GSDME: variants seen among roughly 807,000 people sequenced by gnomAD.
GSDME encodes gasdermin-E.
Under a neutral mutation model 47.5 loss-of-function variants are expected in GSDME, and 44 were observed. The observed-to-expected ratio is 0.93, with a 90% CI of 0.73 to 1.19. The LOEUF (loss-of-function observed/expected upper bound fraction) is 1.19. GSDME is among the 50% of genes most tolerant of loss of function. GSDME has a pLI of 0.00. For missense variants in GSDME, 663 were observed against 604.2 expected, an observed-to-expected ratio of 1.10 and a Z score of -1.02; for synonymous variants, 258 against 252.8, an observed-to-expected ratio of 1.02 and a Z score of -0.20.
intron 8 of GSDME, chr7:24,703,975 A>C (rs1026482127): frequency 6.6e-6 from 1 of 152,204 alleles, no homozygotes; most frequent in African/African-American, 2.4e-5. Flanking sequence ...GGACCCAGGT[A>C]ACCATCATCC....
Position 24,744,739 on chromosome 7 carries a change from T to C in GSDME, c.227A>G (p.Asp76Gly), listed in dbSNP as rs535443998. ...QFPSPVVVESDFVKYEGKFAN... is the reference protein window; with the variant it reads ...QFPSPVVVESGFVKYEGKFAN... The stretch of plus-strand genomic sequence containing the variant: ...AAACTTGCCCTCGTATTTCACAAAG[T>C]CCGACTCCACGACCACTGGAATGGA... The change falls in exon 3 of 10, where the codon GAC becomes GGC. Residue 76 changes from aspartate to glycine, a missense_variant. Asp to Gly is a moderately conservative substitution (Grantham distance 94). Coordinates refer to ENST00000645220, the MANE Select transcript of GSDME (RefSeq NM_001127453.2). The surrounding 1 kb of genome is among the most constrained non-coding windows in gnomAD (Gnocchi z 4.5). 1.2e-6 allele frequency: 2 copies of C among 1,613,960 alleles called. No homozygotes were observed. Among genetic ancestry groups the C allele is most frequent in the Admixed American group, 1.7e-5 (1 of 60,000 alleles).
chr7:24,746,018 C>T (rs1444157285), intron 2 of GSDME, among the ~76,000 whole-genome samples: 1 of 152,102 alleles, frequency 6.6e-6, no homozygotes, highest in Non-Finnish European at 1.5e-5. Flanking sequence ...TTCAAACCCA[C>T]CGGCAGTCTG....
chr7:24,738,332 A>G (rs1224687793), intron 3 of GSDME, among the ~76,000 whole-genome samples: 1 of 152,158 alleles, frequency 6.6e-6, no homozygotes. Context: ...AGGGCAACAG[A>G]GAACAATCTG....
intron 7 of GSDME, among the ~76,000 whole-genome samples, chr7:24,706,809 G>A (rs1264679284): frequency 6.6e-6 from 1 of 152,244 alleles, no homozygotes; most frequent in Non-Finnish European, 1.5e-5. Context: ...GCCTGCTGTG[G>A]AGTGAGGCGA....
At position 24,749,669 on chromosome 7, in the gene GSDME, G is replaced by A. The variant is rs1790792144; in HGVS notation, c.106C>T (p.Leu36=). 2 of 1,613,908 alleles carry A rather than the reference G, an allele frequency of 1.2e-6. No individual in the cohort carries two copies. The highest frequency in any genetic ancestry group is 1.7e-5 in the Admixed American group (1 of 59,990). ...NDSDKLQLLS[L]VTKKKRFWCW... is the part of the protein sequence containing the mutation. ...CAGAATCTCTTCTTTTTTGTCACCA[G>A]ACTTAGAAGCTGTAACTTATCAGAG... is the stretch of plus-strand genomic sequence containing the variant. Residue 36 remains leucine, a synonymous_variant, in exon 2 of 10, where the codon CTG becomes TTG. Transcript: ENST00000645220.
At chr7:24,706,091 C>CAGTT (rs1789087482) in intron 8 of GSDME, 93 bp downstream of exon 8, 6 of 1,470,142 alleles carry the variant, frequency 4.1e-6, no homozygotes, top group East Asian at 4.7e-5. Context: ...ATATCTTCCA[C>CAGTT]AGTTACCACC....
At position 24,719,167 on chromosome 7, in the gene GSDME, A is replaced by C. The variant is rs148449230; in HGVS notation, c.456T>G (p.Asn152Lys). ...TCTGTGTCAAAACGCACAGGACCTC[A>C]TTCCTTCCTTCCAGCACCTGCTGGA... The part of the protein sequence containing the change: ...PVLQQVLEGR[N>K]EVLCVLTQKI... The change falls in exon 4 of 10, where the codon AAT becomes AAG. Residue 152 changes from asparagine to lysine, a missense_variant. Asn to Lys is a moderately conservative substitution (Grantham distance 94, BLOSUM62 0). Transcript: ENST00000645220. 96 of 1,613,822 alleles carry C rather than the reference A, an allele frequency of 5.9e-5. No individual in the cohort carries two copies. The East Asian group carries it at 1.3e-3, about 21-fold the overall frequency.
Position 24,710,392 on chromosome 7 carries a change from T to C in GSDME, c.698-4A>G. The stretch of plus-strand genomic sequence containing the variant: ...TTCCCTCGGAGAAGGCAGAACTCTG[T>C]AGTGCAGGAGAAAAGGACAAGTTAG... On this transcript the variant is annotated splice_region_variant and splice_polypyrimidine_tract_variant and intron_variant, in intron 5 of 9. Transcript: ENST00000645220. 6.2e-7 allele frequency: 1 copy of C among 1,614,130 alleles called. No individual in the cohort carries two copies. Among genetic ancestry groups the C allele is most frequent in the Non-Finnish European group, 8.5e-7 (1 of 1,179,996 alleles).
In GSDME at chr7:24,721,238, G is replaced by A. The variant is rs1789773167; in HGVS notation, c.405-2020C>T. Among the ~76,000 whole-genome samples the A allele has an allele frequency of 6.6e-6, 1 of 152,350 alleles. No homozygotes were observed. The highest frequency in any genetic ancestry group is 1.9e-4 in the East Asian group (1 of 5,188). ...AAAAATGGTTACAACAGTAAATGTT[G>A]TGTCTCATCTATTTTACCACAATAA... is the stretch of plus-strand genomic sequence containing the variant. On this transcript the variant is annotated intron_variant, in intron 3 of 9. Transcript: ENST00000645220. This position sits in a 1 kb window ranked among gnomAD's most constrained non-coding sequence, Gnocchi z 4.1.
At chr7:24,755,644 A>G (rs1790991208) in intron 1 of GSDME, among the ~76,000 whole-genome samples, 1 of 152,326 alleles carries the variant, frequency 6.6e-6, no homozygotes, top group East Asian at 1.9e-4. Flanking sequence ...AACATCACAT[A>G]GAGAATCAGT....
chr7:24,729,882 T>C (rs944722890), intron 3 of GSDME, among the ~76,000 whole-genome samples: 1 of 152,020 alleles, frequency 6.6e-6, no homozygotes, highest in Non-Finnish European at 1.5e-5. Context: ...GAGAATCAAC[T>C]GGAAGGGGAG....
intron 3 of GSDME, among the ~76,000 whole-genome samples, chr7:24,741,308 C>A (rs1295583448): frequency 6.6e-6 from 1 of 151,568 alleles, no homozygotes; most frequent in Non-Finnish European, 1.5e-5. Flanking sequence ...ATAATGAAAG[C>A]TTATTAAACA....
Position 24,742,909 on chromosome 7 carries a change from G to A in GSDME, c.404+1653C>T, listed in dbSNP as rs796435127. Among the ~76,000 whole-genome samples, 9 of 152,352 alleles carry A rather than the reference G, an allele frequency of 5.9e-5. No individual in the cohort carries two copies. Among genetic ancestry groups the A allele is most frequent in the African/African-American group, 2.2e-4 (9 of 41,588 alleles). ...AATGGGACTCTAGCAAAGATAAGCT[G>A]TAGAGAAAGGAAAATAAAGATCATG... On this transcript the variant is annotated intron_variant, in intron 3 of 9. Transcript: ENST00000645220. The surrounding 1 kb of genome is among the most constrained non-coding windows in gnomAD (Gnocchi z 4.4).
the GSDME span, among the ~76,000 whole-genome samples, chr7:24,763,049 T>G: frequency 6.6e-6 from 1 of 152,164 alleles, no homozygotes; most frequent in African/African-American, 2.4e-5. The surrounding 1 kb of genome is among the most constrained non-coding windows in gnomAD (Gnocchi z 4.3). Flanking sequence ...TCCCAGTGGA[T>G]GCCTGAAATG....
At chr7:24,786,734 T>C in the GSDME span, among the ~76,000 whole-genome samples, 1 of 152,226 alleles carries the variant, frequency 6.6e-6, no homozygotes, top group Non-Finnish European at 1.5e-5. The surrounding 1 kb of genome is among the most constrained non-coding windows in gnomAD (Gnocchi z 5.5). Context: ...AGGTGGACAG[T>C]CGTGATGGCT....
At chr7:24,718,683 C>T (rs1420661277) in intron 4 of GSDME, among the ~76,000 whole-genome samples, 1 of 152,192 alleles carries the variant, frequency 6.6e-6, no homozygotes, top group African/African-American at 2.4e-5. Flanking sequence ...TGAACATATC[C>T]CGGGACGGTC....
intron 3 of GSDME, among the ~76,000 whole-genome samples, chr7:24,734,706 T>C (rs1490509510): frequency 6.6e-6 from 1 of 151,964 alleles, no homozygotes; most frequent in East Asian, 1.9e-4. Flanking sequence ...GCAGAAGAAA[T>C]AATTTGTGAG....
the GSDME span, among the ~76,000 whole-genome samples, chr7:24,782,398 A>T: frequency 6.6e-6 from 1 of 152,102 alleles, no homozygotes; most frequent in African/African-American, 2.4e-5. Flanking sequence ...ACATGAATTC[A>T]TCTTTATTTA....
chr7:24,734,179 T>C (rs1272441854), intron 3 of GSDME, among the ~76,000 whole-genome samples: 1 of 152,128 alleles, frequency 6.6e-6, no homozygotes, highest in Non-Finnish European at 1.5e-5. Flanking sequence ...ACCACCAAGG[T>C]GGTACCTCTA....
Sources: gnomAD v4.1 joint callset for allele counts (sites outside exome capture counted in the v4.1 genomes callset) on GRCh38, gnomAD v4.1.1 for gene constraint, Gnocchi (gnomAD v3.1) non-coding constraint, MANE v1.5 for transcripts, NCBI Gene and HGNC (gene_info 2026-07-23, HGNC 2026-07-21) for gene names.